Variants in RASGRF2 observed in about 807,000 individuals in gnomAD.
The protein encoded by RASGRF2 is ras-specific guanine nucleotide-releasing factor 2.
A neutral mutation model predicts 151.0 loss-of-function variants in RASGRF2; 76 were observed. The ratio of observed to expected loss-of-function variants is 0.50; its 90% CI spans 0.42 to 0.61. The LOEUF (loss-of-function observed/expected upper bound fraction) is 0.61, where lower values mean the gene tolerates loss of function less well. RASGRF2 is among the 20% of genes least tolerant of loss of function. The pLI is 0.00. For missense variants in RASGRF2, 1,148 were observed against 1,564.6 expected (o/e 0.73, Z 4.49); for synonymous variants, 504 against 566.5 (o/e 0.89, Z 1.57).
intron 2 of RASGRF2, among the ~76,000 whole-genome samples, chr5:81,053,163 A>G (rs61424809): frequency 6.6e-6 from 1 of 151,844 alleles, no homozygotes; most frequent in Non-Finnish European, 1.5e-5. Context: ...TCTAGGGTAC[A>G]TGTGCACAAC....
intron 1 of RASGRF2, among the ~76,000 whole-genome samples, chr5:80,982,559 A>G (rs538856): frequency 0.68 from 101,317 of 149,588 alleles, 34,515 homozygotes; most frequent in East Asian, 0.81. Flanking sequence ...TGGGGGCTGG[A>G]AGTGGGATAG....
intron 7 of RASGRF2, among the ~76,000 whole-genome samples, chr5:81,083,143 G>A (rs960521732): frequency 3.9e-5 from 6 of 152,174 alleles, no homozygotes; most frequent in Non-Finnish European, 8.8e-5. Flanking sequence ...AATAGTCATG[G>A]AGGTATTTGA....
At chr5:81,179,199 A>T (rs1561247422) in intron 17 of RASGRF2, among the ~76,000 whole-genome samples, 1 of 152,268 alleles carries the variant, frequency 6.6e-6, no homozygotes, top group Admixed American at 6.5e-5. Flanking sequence ...GGTAGCCAAG[A>T]TAGAGACATT....
intron 17 of RASGRF2, among the ~76,000 whole-genome samples, chr5:81,131,274 A>G (rs1472671037): frequency 1.3e-5 from 2 of 151,980 alleles, no homozygotes; most frequent in Admixed American, 6.6e-5. Context: ...GTGCCCTGTG[A>G]TCTGTTTGGG....
At chr5:81,211,912 A>G (rs1755637797) in intron 22 of RASGRF2, among the ~76,000 whole-genome samples, 1 of 152,180 alleles carries the variant, frequency 6.6e-6, no homozygotes, top group African/African-American at 2.4e-5. Context: ...ACTGGGGGCA[A>G]GTGTTTTTTT....
intron 2 of RASGRF2, among the ~76,000 whole-genome samples, chr5:81,064,812 ATG>A (rs1751547526): frequency 1.3e-5 from 2 of 152,332 alleles, no homozygotes; most frequent in South Asian, 2.1e-4. Context: ...CCACTAAAAT[ATG>A]GAAACATGAT....
At chr5:81,079,978 A>G (rs1205883135) in intron 5 of RASGRF2, 143 bp from the exon 6 acceptor site, 1 of 1,085,538 alleles carries the variant, frequency 9.2e-7, no homozygotes, top group Non-Finnish European at 1.2e-6. Flanking sequence ...AGGATAATAT[A>G]ATCCATGTTA....
chr5:81,202,100 T>C (rs552688954), intron 19 of RASGRF2, among the ~76,000 whole-genome samples: 2 of 152,300 alleles, frequency 1.3e-5, no homozygotes, highest in South Asian at 2.1e-4. Context: ...AGCTTTCTTA[T>C]AGCTTCTTGA....
chr5:81,071,017 G>T (rs1269421788), intron 4 of RASGRF2, among the ~76,000 whole-genome samples: 2 of 151,996 alleles, frequency 1.3e-5, no homozygotes, highest in Admixed American at 6.6e-5. Flanking sequence ...TTTTATTATT[G>T]CTTCTTGTTT....
At chr5:80,964,452 T>G (rs1747662450) in intron 1 of RASGRF2, among the ~76,000 whole-genome samples, 1 of 152,162 alleles carries the variant, frequency 6.6e-6, no homozygotes, top group Non-Finnish European at 1.5e-5. Flanking sequence ...TTACCTCATC[T>G]AATTTGAACT....
At position 81,219,725 on chromosome 5, in the gene RASGRF2, A is replaced by G; in HGVS notation, c.3568A>G (p.Arg1190Gly). Residue 1190 changes from arginine (R) to glycine (G), a missense_variant, in exon 26 of 27, where the codon AGA (arginine) becomes GGA (glycine). Coordinates refer to ENST00000265080, the MANE Select transcript of RASGRF2 (RefSeq NM_006909.3). ...SKMRMISHII[R>G]EIRQFQQTSY... ...TCTCTGTTAGATATCACACATCATC[A>G]GAGAGATACGCCAGTTCCAGCAGAC... The G allele has an allele frequency of 6.2e-7, 1 of 1,610,728 alleles. No homozygotes were observed.
intron 10 of RASGRF2, 83 bp from the exon 11 acceptor site, chr5:81,094,213 C>T: frequency 1.8e-6 from 2 of 1,111,050 alleles, no homozygotes; most frequent in Non-Finnish European, 1.3e-6. Context: ...TCCATGGCAA[C>T]TTGAATATAG....
chr5:81,021,252 C>G (rs1262837141), intron 1 of RASGRF2, among the ~76,000 whole-genome samples: 4 of 152,060 alleles, frequency 2.6e-5, no homozygotes, highest in African/African-American at 9.7e-5. Flanking sequence ...GAAAGAAAAC[C>G]CTGGCTGCCT....
At chr5:81,142,899 C>T (rs1753917977) in intron 17 of RASGRF2, among the ~76,000 whole-genome samples, 1 of 152,124 alleles carries the variant, frequency 6.6e-6, no homozygotes. Flanking sequence ...GCAGTCTTGT[C>T]AGGAGTCCAG....
intron 1 of RASGRF2, among the ~76,000 whole-genome samples, chr5:81,006,634 C>T (rs772859166): frequency 2.0e-5 from 3 of 152,092 alleles, no homozygotes; most frequent in Non-Finnish European, 2.9e-5. Flanking sequence ...GCTGATGCCC[C>T]GAACTATGGT....
chr5:81,158,901 C>T (rs1754320212), intron 17 of RASGRF2, among the ~76,000 whole-genome samples: 1 of 152,128 alleles, frequency 6.6e-6, no homozygotes, highest in South Asian at 2.1e-4. Context: ...TCAACATAAG[C>T]TTACCGTAGA....
At chr5:81,009,770 G>GA (rs1338598380) in intron 1 of RASGRF2, among the ~76,000 whole-genome samples, 1 of 152,064 alleles carries the variant, frequency 6.6e-6, no homozygotes, top group Non-Finnish European at 1.5e-5. Context: ...AAGTAATATG[G>GA]AAAAATTCTT....
chr5:81,019,826 G>A (rs506661), intron 1 of RASGRF2, among the ~76,000 whole-genome samples: 35,096 of 152,140 alleles, frequency 0.23, 4,780 homozygotes, highest in Middle Eastern at 0.46. Context: ...TATCTTTATT[G>A]CTGATTATAA....
At chr5:80,975,476 A>C (rs1748083631) in intron 1 of RASGRF2, among the ~76,000 whole-genome samples, 1 of 152,128 alleles carries the variant, frequency 6.6e-6, no homozygotes, top group Non-Finnish European at 1.5e-5. Context: ...AAACAGTGGA[A>C]AAGTTAACCC....
Sources: allele counts gnomAD v4.1 joint callset (sites outside exome capture counted in the v4.1 genomes callset), GRCh38; gene constraint gnomAD v4.1.1; transcripts MANE v1.5; gene names NCBI Gene and HGNC (gene_info 2026-07-23, HGNC 2026-07-21).